The following CTNNBL1 variants were observed in gnomAD, a reference collection of about 807,000 sequenced individuals.
CTNNBL1 encodes the protein catenin beta like 1.
A neutral mutation model predicts 72.7 loss-of-function variants in CTNNBL1; 31 were observed. The ratio of observed to expected loss-of-function variants is 0.43; its 90% confidence interval spans 0.32 to 0.58. The LOEUF (loss-of-function observed/expected upper bound fraction) is 0.58, where lower values mean the gene tolerates loss of function less well. CTNNBL1 is among the 20% of genes least tolerant of loss of function. The probability of loss-of-function intolerance (pLI) is 0.08; values close to 1 mark genes in which losing one functional copy is unlikely to be tolerated. For synonymous variants in CTNNBL1, 240 were observed against 267.3 expected, an observed-to-expected ratio of 0.90 and a Z score of 1.00; for missense variants, 534 against 725.1, an observed-to-expected ratio of 0.74 and a Z score of 3.03.
chr20:37,799,940 G>C (rs2073809992), intron 10 of CTNNBL1, among the ~76,000 whole-genome samples: 1 of 152,192 alleles, frequency 6.6e-6, no homozygotes, highest in South Asian at 2.1e-4. Flanking sequence ...AGGATGGCCT[G>C]TAGCTCCAAG....
At chr20:37,714,918 G>A (rs181516493) in intron 1 of CTNNBL1, among the ~76,000 whole-genome samples, 7 of 152,166 alleles carry the variant, frequency 4.6e-5, no homozygotes, top group Non-Finnish European at 8.8e-5. Context: ...TATTTGTCCA[G>A]GGTCACACAC....
intron 15 of CTNNBL1, among the ~76,000 whole-genome samples, chr20:37,863,661 G>T (rs1045044253): frequency 1.3e-5 from 2 of 152,088 alleles, no homozygotes; most frequent in Admixed American, 1.3e-4. Context: ...GGGTGTGGCT[G>T]GGCAGGGCTC....
chr20:37,840,042 A>G, intron 11 of CTNNBL1, 60 bp from the exon 12 acceptor site: 8 of 1,237,582 alleles, frequency 6.5e-6, no homozygotes, highest in Non-Finnish European at 9.5e-6. Flanking sequence ...CGAGGCTTGA[A>G]GAGAGGTAAT....
intron 13 of CTNNBL1, 71 bp from the exon 14 acceptor site, chr20:37,859,828 C>A: frequency 6.6e-7 from 1 of 1,525,738 alleles, no homozygotes; most frequent in Non-Finnish European, 8.9e-7. Context: ...GTATTATGGC[C>A]AGACTAGGAG....
chr20:37,737,413 G>T lies in CTNNBL1; in HGVS notation c.255G>T (p.Met85Ile). The T allele has an allele frequency of 1.2e-6, 2 of 1,613,724 alleles. No homozygotes were observed. Among genetic ancestry groups the T allele is most frequent in the South Asian group, 1.1e-5 (1 of 91,012 alleles). The change falls in exon 3 of 16, where the codon ATG (methionine) becomes ATT (isoleucine). Residue 85 changes from methionine (M) to isoleucine (I), a missense_variant. Transcript: ENST00000361383. ...EPLDESSVKK[M>I]ILTFEKRSYK... The stretch of plus-strand genomic sequence containing the variant: ...TGGATGAAAGCTCAGTGAAGAAAAT[G>T]ATCCTCACATTTGAAAAGAGATCAT...
At chr20:37,859,050 A>T (rs1035351322) in intron 13 of CTNNBL1, among the ~76,000 whole-genome samples, 7 of 152,042 alleles carry the variant, frequency 4.6e-5, no homozygotes, top group African/African-American at 1.4e-4. Context: ...ATCCTGATAA[A>T]CCCACCATAA....
chr20:37,702,595 C>T (rs1471896631), intron 1 of CTNNBL1, among the ~76,000 whole-genome samples: 1 of 152,126 alleles, frequency 6.6e-6, no homozygotes, highest in Non-Finnish European at 1.5e-5. Flanking sequence ...TAAGGAGGAC[C>T]AGAACAGATA....
chr20:37,717,201 G>T (rs1262975626), intron 1 of CTNNBL1, among the ~76,000 whole-genome samples: 1 of 152,082 alleles, frequency 6.6e-6, no homozygotes, highest in Non-Finnish European at 1.5e-5. Flanking sequence ...TTTAGTCTTG[G>T]CAGTGACCTG....
intron 11 of CTNNBL1, among the ~76,000 whole-genome samples, chr20:37,821,023 C>A (rs562708543): frequency 3.2e-4 from 49 of 152,200 alleles, no homozygotes; most frequent in Non-Finnish European, 6.2e-4. Flanking sequence ...TCATCCCCTG[C>A]CCTGTTTCCA....
intron 1 of CTNNBL1, among the ~76,000 whole-genome samples, chr20:37,696,435 C>CTTTTTTTTTT (rs57358123): frequency 1.1e-5 from 1 of 89,590 alleles, no homozygotes; most frequent in African/African-American, 4.6e-5. Context: ...TGTACAATAT[C>CTTTTTTTTTT]TTTTTTTTTT....
At chr20:37,836,313 C>G (rs2072253409) in intron 11 of CTNNBL1, among the ~76,000 whole-genome samples, 1 of 152,210 alleles carries the variant, frequency 6.6e-6, no homozygotes, top group Non-Finnish European at 1.5e-5. Flanking sequence ...AATGCTGTCT[C>G]TCCCCAGCTT....
intron 11 of CTNNBL1, among the ~76,000 whole-genome samples, chr20:37,820,446 A>G (rs954659005): frequency 4.6e-5 from 7 of 152,080 alleles, no homozygotes; most frequent in Non-Finnish European, 8.8e-5. Context: ...TCTACAGTCT[A>G]TCCTATGCTC....
chr20:37,708,062 C>T lies in CTNNBL1; in HGVS notation c.30+13910C>T, dbSNP rs1413282578. 2.6e-5 allele frequency among the ~76,000 whole-genome samples: 4 copies of T among 152,122 alleles called. No individual in the cohort carries two copies. In the East Asian group the frequency reaches 7.7e-4, roughly 29 times the overall value. Reference sequence around the variant, plus strand: ...AACAAAGTAGTAATATTAAAGATCACTCATCACGGATTACCATAGCAGATA... The same window carrying T: ...AACAAAGTAGTAATATTAAAGATCATTCATCACGGATTACCATAGCAGATA... On this transcript the variant is annotated intron_variant, in intron 1 of 15. Coordinates refer to ENST00000361383, the MANE Select transcript of CTNNBL1 (RefSeq NM_030877.5).
At chr20:37,701,556 G>A (rs147699869) in intron 1 of CTNNBL1, among the ~76,000 whole-genome samples, 5 of 152,296 alleles carry the variant, frequency 3.3e-5, no homozygotes, top group African/African-American at 1.2e-4. Context: ...GGGATATATC[G>A]ATGGGGATGG....
intron 8 of CTNNBL1, 106 bp from the exon 9 acceptor site, chr20:37,777,548 C>G: frequency 1.5e-6 from 2 of 1,379,266 alleles, no homozygotes; most frequent in African/African-American, 2.8e-5. Flanking sequence ...CTTTTGTACT[C>G]TGTCAAGCTG....
Position 37,853,879 on chromosome 20 carries a change from A to G in CTNNBL1, c.1393-6020A>G, listed in dbSNP as rs552990184. On this transcript the variant is annotated intron_variant, in intron 13 of 15. Transcript: ENST00000361383. The stretch of plus-strand genomic sequence containing the variant: ...GCCACAGAGTTGTAACAGGCTAGAT[A>G]AGGTGCTATTCTGACAACAGTCAAC... 1.5e-3 allele frequency among the ~76,000 whole-genome samples: 222 copies of G among 152,368 alleles called. 1 individual carries two copies. Among genetic ancestry groups the G allele is most frequent in the African/African-American group, 5.2e-3 (216 of 41,588 alleles).
At chr20:37,834,017 A>G (rs796265621) in intron 11 of CTNNBL1, among the ~76,000 whole-genome samples, 3 of 152,268 alleles carry the variant, frequency 2.0e-5, no homozygotes, top group African/African-American at 4.8e-5. Flanking sequence ...TTGGCAACCT[A>G]TCCTTCACTT....
At chr20:37,768,141 T>C in intron 7 of CTNNBL1, 97 bp downstream of exon 7, 4 of 995,178 alleles carry the variant, frequency 4.0e-6, no homozygotes, top group Non-Finnish European at 3.1e-6. Flanking sequence ...CTGGGCCATA[T>C]GATCTAGTTT....
At chr20:37,858,562 G>A (rs1405797883) in intron 13 of CTNNBL1, among the ~76,000 whole-genome samples, 1 of 151,848 alleles carries the variant, frequency 6.6e-6, no homozygotes. Flanking sequence ...TGGCAGAAGT[G>A]TTCACAGTGC....
Sources: gnomAD v4.1 joint callset for allele counts (sites outside exome capture counted in the v4.1 genomes callset) on GRCh38, gnomAD v4.1.1 for gene constraint, MANE v1.5 for transcripts, NCBI Gene and HGNC (gene_info 2026-07-23, HGNC 2026-07-21) for gene names.